GABRA3: variants seen among roughly 807,000 people sequenced by gnomAD.
GABRA3 encodes gamma-aminobutyric acid type A receptor subunit alpha3.
GABRA3 carries 10 observed loss-of-function variants against 30.1 expected under a neutral mutation model. The observed-to-expected ratio is 0.33, with a 90% CI of 0.20 to 0.56. The LOEUF is 0.56. Ranked by LOEUF, GABRA3 falls within the 20% of genes least tolerant of loss-of-function variation. The pLI, the probability that GABRA3 is intolerant of heterozygous loss-of-function variation, is 0.89. For missense variants in GABRA3, 233 were observed against 392.0 expected (o/e 0.59, Z 3.42); for synonymous variants, 151 against 146.8 (o/e 1.03, Z -0.21).
chrX:152,265,644 A>G (rs1173956994), intron 4 of GABRA3, among the ~76,000 whole-genome samples: 2 of 111,869 alleles, frequency 1.8e-5, no homozygotes, highest in African/African-American at 6.5e-5. Context: ...AGAAATAATA[A>G]AGATCAGAGC....
chrX:152,253,416 T>C (rs183575173), intron 5 of GABRA3, among the ~76,000 whole-genome samples: 1 of 111,675 alleles, frequency 9.0e-6, no homozygotes, highest in Non-Finnish European at 1.9e-5. Context: ...CTCACAGACT[T>C]ATCTAAATTT....
chrX:152,250,074 C>T (rs765896453), intron 5 of GABRA3, among the ~76,000 whole-genome samples: 1 of 111,266 alleles, frequency 9.0e-6, no homozygotes, highest in Non-Finnish European at 1.9e-5. Context: ...TACCTCAGCC[C>T]TGTCTCTCAT....
chrX:152,270,156 C>A (rs1938903117), intron 4 of GABRA3, among the ~76,000 whole-genome samples: 4 of 111,699 alleles, frequency 3.6e-5, no homozygotes, highest in Admixed American at 9.5e-5. Flanking sequence ...CCCATAATCC[C>A]CATGTGTCGT....
At chrX:152,174,905 T>TG (rs1007248192) in intron 9 of GABRA3, among the ~76,000 whole-genome samples, 2 of 112,315 alleles carry the variant, frequency 1.8e-5, no homozygotes, top group African/African-American at 6.5e-5. Context: ...GGTTTTCTTC[T>TG]GGGGTTTTTA....
chrX:152,232,995 T>G (rs936544480), intron 5 of GABRA3, among the ~76,000 whole-genome samples: 3 of 111,263 alleles, frequency 2.7e-5, no homozygotes, highest in Non-Finnish European at 5.7e-5. Flanking sequence ...TTGTTTGTTT[T>G]TGCATTTTAA....
chrX:152,274,413 C>T (rs1001288749), intron 4 of GABRA3, among the ~76,000 whole-genome samples: 1 of 110,377 alleles, frequency 9.1e-6, no homozygotes, highest in Non-Finnish European at 1.9e-5. Flanking sequence ...AAAATGACCA[C>T]GTGCTAAGAC....
intron 5 of GABRA3, among the ~76,000 whole-genome samples, chrX:152,242,898 G>T (rs1438169754): frequency 8.9e-6 from 1 of 112,253 alleles, no homozygotes; most frequent in Non-Finnish European, 1.9e-5. Context: ...TCAGTATGTT[G>T]AAGAAATATC....
In GABRA3 at chrX:152,393,906, T is replaced by C. The variant is rs137915193; in HGVS notation, c.-26-29310A>G. 4.1e-3 allele frequency among the ~76,000 whole-genome samples: 462 copies of C among 111,666 alleles called. 1 individual carries two copies. Among genetic ancestry groups the C allele is most frequent in the African/African-American group, 0.014 (424 of 30,799 alleles). On this transcript the variant is annotated intron_variant, in intron 1 of 9. Transcript: ENST00000370314. ...AAATGACTGCCATGGCATATACTTA[T>C]ATAATGATGCTTTAAACACTATCAC...
At chrX:152,413,352 G>A (rs1930122722) in intron 1 of GABRA3, among the ~76,000 whole-genome samples, 2 of 111,295 alleles carry the variant, frequency 1.8e-5, no homozygotes, top group South Asian at 7.4e-4. Context: ...AACAAGGGCA[G>A]TACAGAAAAA....
intron 2 of GABRA3, among the ~76,000 whole-genome samples, chrX:152,357,955 C>A (rs1940577295): frequency 9.0e-6 from 1 of 111,334 alleles, no homozygotes; most frequent in Admixed American, 9.5e-5. Context: ...GTTACTACAG[C>A]CCCATAGTAT....
chrX:152,393,297 T>C, intron 1 of GABRA3: 2 of 263,480 alleles, frequency 7.6e-6, no homozygotes, highest in Non-Finnish European at 1.4e-5. Flanking sequence ...ATAACATCTG[T>C]CTTTTTGGAA....
At chrX:152,362,266 A>C (rs1003251540) in intron 2 of GABRA3, among the ~76,000 whole-genome samples, 1 of 111,260 alleles carries the variant, frequency 9.0e-6, no homozygotes, top group African/African-American at 3.3e-5. Context: ...AAAACCAAAA[A>C]AAAAAAGTCA....
chrX:152,421,997 A>G (rs1930384183), intron 1 of GABRA3, among the ~76,000 whole-genome samples: 2 of 111,592 alleles, frequency 1.8e-5, no homozygotes, highest in African/African-American at 6.5e-5. Context: ...GGCAGTATCT[A>G]ATAAGTTGAA....
At chrX:152,282,793 A>G (rs1302526510) in intron 4 of GABRA3, among the ~76,000 whole-genome samples, 1 of 111,371 alleles carries the variant, frequency 9.0e-6, no homozygotes, top group Non-Finnish European at 1.9e-5. Flanking sequence ...ATCTGTTTGC[A>G]TATGTGTTTC....
At chrX:152,410,523 C>T (rs1930043959) in intron 1 of GABRA3, among the ~76,000 whole-genome samples, 2 of 110,952 alleles carry the variant, frequency 1.8e-5, no homozygotes, top group Non-Finnish European at 3.8e-5. Context: ...TAATTAATAA[C>T]AAATTTTATA....
At chrX:152,408,005 G>A (rs1057397419) in intron 1 of GABRA3, among the ~76,000 whole-genome samples, 1 of 111,145 alleles carries the variant, frequency 9.0e-6, no homozygotes, top group African/African-American at 3.3e-5. Flanking sequence ...AAAAAAAAGA[G>A]CATCCAATAA....
At chrX:152,228,317 T>A (rs2124385018) in intron 5 of GABRA3, among the ~76,000 whole-genome samples, 1 of 112,004 alleles carries the variant, frequency 8.9e-6, no homozygotes, top group African/African-American at 3.2e-5. Flanking sequence ...TACAAACATT[T>A]GCTTTTTCTG....
At chrX:152,373,488 T>C (rs1928897818) in intron 1 of GABRA3, among the ~76,000 whole-genome samples, 1 of 112,142 alleles carries the variant, frequency 8.9e-6, no homozygotes, top group Admixed American at 9.5e-5. Flanking sequence ...TTGAACTAAT[T>C]ACATTCCCAT....
chrX:152,360,521 G>A (rs1233386838), intron 2 of GABRA3, among the ~76,000 whole-genome samples: 1 of 76,977 alleles, frequency 1.3e-5, no homozygotes, highest in Non-Finnish European at 2.4e-5. Flanking sequence ...CACAGGAAGG[G>A]GAATATCACA....
Sources: allele counts gnomAD v4.1 joint callset (sites outside exome capture counted in the v4.1 genomes callset), GRCh38; gene constraint gnomAD v4.1.1; transcripts MANE v1.5; gene names NCBI Gene and HGNC (gene_info 2026-07-23, HGNC 2026-07-21).